CNTNAP2: variants seen among roughly 807,000 people sequenced by gnomAD.
The protein encoded by CNTNAP2 is contactin associated protein 2.
CNTNAP2 carries 98 observed loss-of-function variants against 155.2 expected under a neutral mutation model. The observed-to-expected ratio is 0.63, with a 90% CI of 0.54 to 0.75. CNTNAP2 has a LOEUF of 0.75. Ranked by LOEUF, CNTNAP2 falls within the 30% of genes least tolerant of loss-of-function variation. CNTNAP2 has a pLI of 0.00. For missense variants in CNTNAP2, 1,727 were observed against 1,688.1 expected, an observed-to-expected ratio of 1.02 and a Z score of -0.40; for synonymous variants, 651 against 631.2, an observed-to-expected ratio of 1.03 and a Z score of -0.47.
At chr7:146,987,498 A>G (rs950071922) in intron 3 of CNTNAP2, among the ~76,000 whole-genome samples, 1 of 152,090 alleles carries the variant, frequency 6.6e-6, no homozygotes, top group Non-Finnish European at 1.5e-5. Context: ...AATTATGATA[A>G]TCATGTTAAT....
intron 12 of CNTNAP2, among the ~76,000 whole-genome samples, chr7:147,573,383 G>A (rs1800330945): frequency 6.6e-6 from 1 of 152,166 alleles, no homozygotes; most frequent in Admixed American, 6.5e-5. Flanking sequence ...AAAACTTGCT[G>A]TATCATTCAC....
chr7:146,566,971 G>T (rs1168333208), intron 1 of CNTNAP2, among the ~76,000 whole-genome samples: 2 of 151,840 alleles, frequency 1.3e-5, no homozygotes, highest in East Asian at 1.9e-4. Context: ...TGAACTTATG[G>T]CTTCTACTTT....
intron 12 of CNTNAP2, among the ~76,000 whole-genome samples, chr7:147,600,754 T>A (rs1800927999): frequency 6.6e-6 from 1 of 152,130 alleles, no homozygotes; most frequent in African/African-American, 2.4e-5. Context: ...GCCTTTGACC[T>A]TCCCTTTCCT....
chr7:147,122,859 ATG>A (rs1347948037), intron 6 of CNTNAP2: 1 of 152,236 alleles, frequency 6.6e-6, no homozygotes, highest in Admixed American at 6.5e-5. Flanking sequence ...TCATATATAT[ATG>A]TGTGTGTTAT....
chr7:147,945,196 C>A (rs1238849847), intron 14 of CNTNAP2, among the ~76,000 whole-genome samples: 2 of 151,938 alleles, frequency 1.3e-5, no homozygotes, highest in South Asian at 2.1e-4. Context: ...AAATATTTTA[C>A]AAAAATTTTA....
chr7:147,423,622 T>G (rs961953730), intron 10 of CNTNAP2, among the ~76,000 whole-genome samples: 1 of 151,776 alleles, frequency 6.6e-6, no homozygotes, highest in East Asian at 1.9e-4. Flanking sequence ...TTCTTTGGAG[T>G]TTTCAATATC....
intron 13 of CNTNAP2, among the ~76,000 whole-genome samples, chr7:147,852,951 A>G (rs1798975444): frequency 6.6e-6 from 1 of 152,204 alleles, no homozygotes; most frequent in South Asian, 2.1e-4. Context: ...GTGCTCAAGT[A>G]GGACCAGGGA....
intron 13 of CNTNAP2, among the ~76,000 whole-genome samples, chr7:147,833,664 A>T (rs1166611483): frequency 6.6e-6 from 1 of 152,166 alleles, no homozygotes; most frequent in Non-Finnish European, 1.5e-5. Context: ...AAAGGCTACT[A>T]AAAACCCTTT....
rs372253859 is a variant in CNTNAP2 at position 146,508,626 on chromosome 7, A to G, written c.98-265645A>G. On this transcript the variant is annotated intron_variant, in intron 1 of 23. Transcript: ENST00000361727. ...CCTCCTGTTGTCTGGTGTCCCCCCAAGCTGGGCACCTTGACCAGTTTCCTA... is the reference window on the plus strand; with the variant it reads ...CCTCCTGTTGTCTGGTGTCCCCCCAGGCTGGGCACCTTGACCAGTTTCCTA... Among the ~76,000 whole-genome samples the G allele has an allele frequency of 2.0e-5, 3 of 152,286 alleles. No individual in the cohort carries two copies. The South Asian group carries it at 6.2e-4, about 32-fold the overall frequency.
chr7:148,347,044 G>A (rs559156464), intron 21 of CNTNAP2, among the ~76,000 whole-genome samples: 1 of 151,948 alleles, frequency 6.6e-6, no homozygotes, highest in South Asian at 2.1e-4. Flanking sequence ...ATCACCTGAG[G>A]TCAGGAGTTT....
intron 15 of CNTNAP2, among the ~76,000 whole-genome samples, chr7:148,032,602 A>G (rs1218230082): frequency 2.0e-5 from 3 of 152,196 alleles, no homozygotes; most frequent in Admixed American, 1.3e-4. Context: ...CAAGGTCCCA[A>G]CATGACACCT....
intron 2 of CNTNAP2, among the ~76,000 whole-genome samples, chr7:146,785,972 G>C (rs1802568043): frequency 1.3e-5 from 2 of 152,154 alleles, no homozygotes; most frequent in Non-Finnish European, 2.9e-5. Flanking sequence ...CCCAGTAGAA[G>C]CAGTGTAGCC....
intron 10 of CNTNAP2, among the ~76,000 whole-genome samples, chr7:147,464,925 A>G (rs1798090725): frequency 1.3e-5 from 2 of 152,236 alleles, no homozygotes; most frequent in African/African-American, 4.8e-5. Flanking sequence ...TTCTCTCCTG[A>G]TATGTATTTC....
At chr7:148,035,445 G>T (rs149038092) in intron 15 of CNTNAP2, among the ~76,000 whole-genome samples, 1 of 152,282 alleles carries the variant, frequency 6.6e-6, no homozygotes, top group Non-Finnish European at 1.5e-5. Context: ...GCATTCCAGT[G>T]TAGCAGTCCT....
intron 1 of CNTNAP2, among the ~76,000 whole-genome samples, chr7:146,487,751 G>A (rs1797078247): frequency 6.6e-6 from 1 of 152,194 alleles, no homozygotes; most frequent in South Asian, 2.1e-4. Flanking sequence ...TGAGTGAATG[G>A]TGTTCAGATC....
intron 16 of CNTNAP2, among the ~76,000 whole-genome samples, chr7:148,135,464 T>C (rs1044969905): frequency 2.0e-5 from 3 of 152,208 alleles, no homozygotes; most frequent in Admixed American, 2.0e-4. Context: ...TATGATAGCA[T>C]ACTATCTATT....
chr7:147,723,271 A>G (rs1796592409), intron 13 of CNTNAP2, among the ~76,000 whole-genome samples: 1 of 152,110 alleles, frequency 6.6e-6, no homozygotes, highest in African/African-American at 2.4e-5. Flanking sequence ...TATTACAGTC[A>G]GGAAACAGGA....
At chr7:147,883,169 C>G (rs1443477445) in intron 13 of CNTNAP2, among the ~76,000 whole-genome samples, 3 of 152,116 alleles carry the variant, frequency 2.0e-5, no homozygotes, top group Non-Finnish European at 2.9e-5. Flanking sequence ...ATGGGCTCCT[C>G]TTCTCTGCAG....
intron 12 of CNTNAP2, among the ~76,000 whole-genome samples, chr7:147,602,595 C>T (rs1031750664): frequency 3.3e-5 from 5 of 151,064 alleles, no homozygotes; most frequent in Admixed American, 1.3e-4. Context: ...CCCATTAACT[C>T]GTCATTTAAC....
Sources: gnomAD v4.1 joint callset for allele counts (sites outside exome capture counted in the v4.1 genomes callset) on GRCh38, gnomAD v4.1.1 for gene constraint, MANE v1.5 for transcripts, NCBI Gene and HGNC (gene_info 2026-07-23, HGNC 2026-07-21) for gene names.